CDK17: variants seen among roughly 807,000 people sequenced by gnomAD.
CDK17 encodes the protein cyclin dependent kinase 17.
Under a neutral mutation model 77.6 loss-of-function variants are expected in CDK17, and 24 were observed. The ratio of observed to expected loss-of-function variants is 0.31; its 90% CI spans 0.22 to 0.44. The LOEUF (loss-of-function observed/expected upper bound fraction) is 0.44, where lower values mean the gene tolerates loss of function less well. Ranked by LOEUF, CDK17 falls within the 20% of genes least tolerant of loss-of-function variation. The probability of loss-of-function intolerance (pLI) is 1.00; values close to 1 mark genes in which losing one functional copy is unlikely to be tolerated. For synonymous variants in CDK17, 203 were observed against 210.4 expected (o/e 0.96, Z 0.30); for missense variants, 429 against 622.5 (o/e 0.69, Z 3.31).
intron 1 of CDK17, among the ~76,000 whole-genome samples, chr12:96,357,705 C>A (rs1953420978): frequency 6.6e-6 from 1 of 152,150 alleles, no homozygotes; most frequent in Non-Finnish European, 1.5e-5. Context: ...CATGCCCTAC[C>A]TTCTCTGTGA....
chr12:96,335,039 A>G (rs1953023641), intron 1 of CDK17, 174 bp from the exon 2 acceptor site: 2 of 660,264 alleles, frequency 3.0e-6, no homozygotes, highest in Non-Finnish European at 5.6e-6. Context: ...TACTCCGAAT[A>G]ATGCTGTATT....
chr12:96,338,222 C>T (rs1953073289), intron 1 of CDK17, among the ~76,000 whole-genome samples: 1 of 152,208 alleles, frequency 6.6e-6, no homozygotes, highest in South Asian at 2.1e-4. Context: ...AAGCTCTTTG[C>T]ATGTTGTCAT....
intron 1 of CDK17, among the ~76,000 whole-genome samples, chr12:96,374,500 G>A (rs1029801399): frequency 2.0e-5 from 3 of 152,120 alleles, no homozygotes; most frequent in African/African-American, 7.2e-5. Flanking sequence ...TTCCCTTAAG[G>A]TGTTTTGCTC....
intron 1 of CDK17, among the ~76,000 whole-genome samples, chr12:96,344,531 G>A (rs1462945927): frequency 2.0e-5 from 3 of 152,142 alleles, no homozygotes; most frequent in African/African-American, 7.2e-5. Context: ...TGACCAGGCA[G>A]CAATAGGAAC....
intron 1 of CDK17, among the ~76,000 whole-genome samples, chr12:96,346,088 T>C (rs1032502604): frequency 6.6e-5 from 10 of 151,984 alleles, no homozygotes; most frequent in Non-Finnish European, 1.3e-4. Flanking sequence ...CTTTGGGAAG[T>C]GGGTGGATCG....
intron 1 of CDK17, among the ~76,000 whole-genome samples, chr12:96,353,701 T>G (rs1447160771): frequency 1.3e-5 from 2 of 151,854 alleles, no homozygotes; most frequent in African/African-American, 4.8e-5. Flanking sequence ...CAAATCACAC[T>G]GTGAGATTTG....
rs1952133004 is a variant in CDK17, at chr12:96,278,407, T to C, written c.*1835A>G. 1 of 152,076 alleles carries C rather than the reference T, an allele frequency of 6.6e-6. No individual in the cohort carries two copies. Among genetic ancestry groups the C allele is most frequent in the African/African-American group, 2.4e-5 (1 of 41,432 alleles). 9.4% of individuals were successfully genotyped at this position (152,076 alleles called of 1,614,324 possible). On this transcript the variant is annotated 3_prime_UTR_variant, in exon 17 of 17. Coordinates refer to ENST00000261211, the MANE Select transcript of CDK17 (RefSeq NM_002595.5). Reference sequence around the variant, plus strand: ...ATAAAAAAAACCCAGCAGAAATTACTAAGCAAATGATTGGCACAAACAGAA... The same window carrying C: ...ATAAAAAAAACCCAGCAGAAATTACCAAGCAAATGATTGGCACAAACAGAA...
intron 1 of CDK17, among the ~76,000 whole-genome samples, chr12:96,345,522 A>G (rs1953192975): frequency 6.6e-6 from 1 of 152,202 alleles, no homozygotes; most frequent in Non-Finnish European, 1.5e-5. Flanking sequence ...TCGCCATTCG[A>G]CTGGTGTGAG....
chr12:96,314,214 T>C (rs1952678089), intron 3 of CDK17, among the ~76,000 whole-genome samples: 1 of 152,310 alleles, frequency 6.6e-6, no homozygotes, highest in African/African-American at 2.4e-5. Context: ...TGTTTTGTTT[T>C]TGAGACAAGG....
At chr12:96,334,446 C>A (rs564209511) in intron 2 of CDK17, among the ~76,000 whole-genome samples, 3 of 152,194 alleles carry the variant, frequency 2.0e-5, no homozygotes, top group East Asian at 3.9e-4. Context: ...AAAATGCATT[C>A]TTCTTTAAGA....
At chr12:96,288,017 T>C (rs955438194) in intron 11 of CDK17, among the ~76,000 whole-genome samples, 19 of 151,898 alleles carry the variant, frequency 1.3e-4, no homozygotes, top group African/African-American at 4.6e-4. Flanking sequence ...CAGAAACTGA[T>C]GGTGGGGGAG....
In CDK17 at chr12:96,280,837, C is replaced by G. The variant is rs200258723; in HGVS notation, c.1505G>C (p.Gly502Ala). 81 of 1,613,830 alleles carry G rather than the reference C, an allele frequency of 5.0e-5. No individual in the cohort carries two copies. Among genetic ancestry groups the G allele is most frequent in the Non-Finnish European group, 6.5e-5 (77 of 1,179,958 alleles). ...LKEIQLQKDP[G>A]FRNSSYPETG... ...CTCTGGATAAGAAGAATTTCGAAAA[C>G]CCGGGTCCTTTTGCAACTGAATCTC... The change falls in exon 16 of 17, where the codon GGT (glycine) becomes GCT (alanine). Residue 502 changes from glycine to alanine, a missense_variant. By Grantham distance (60) the Gly-to-Ala change is moderately conservative. This residue lies in a region of CDK17 where 115 missense variants were observed against 124.2 expected (regional missense o/e 0.93). Transcript: ENST00000261211.
At chr12:96,326,637 G>A (rs956905638) in intron 2 of CDK17, among the ~76,000 whole-genome samples, 1 of 152,112 alleles carries the variant, frequency 6.6e-6, no homozygotes, top group Non-Finnish European at 1.5e-5. Flanking sequence ...GAGATTGCTC[G>A]GTCTCACCCA....
At chr12:96,352,698 G>A (rs1405960880) in intron 1 of CDK17, among the ~76,000 whole-genome samples, 1 of 152,168 alleles carries the variant, frequency 6.6e-6, no homozygotes, top group Non-Finnish European at 1.5e-5. Context: ...ACTTCAGTCT[G>A]TACTGTCCTT....
At chr12:96,323,597 A>G (rs1952854198) in intron 3 of CDK17, among the ~76,000 whole-genome samples, 2 of 150,602 alleles carry the variant, frequency 1.3e-5, no homozygotes, top group South Asian at 4.2e-4. Context: ...GGTGATAACC[A>G]CATATACTAT....
intron 1 of CDK17, among the ~76,000 whole-genome samples, chr12:96,351,630 G>A (rs1056267265): frequency 2.0e-5 from 3 of 152,142 alleles, no homozygotes; most frequent in East Asian, 3.8e-4. Flanking sequence ...CTTAATTGTC[G>A]TTGAACTTTA....
intron 1 of CDK17, among the ~76,000 whole-genome samples, chr12:96,335,642 T>C (rs952989060): frequency 1.3e-5 from 2 of 152,230 alleles, no homozygotes; most frequent in Non-Finnish European, 2.9e-5. Flanking sequence ...AGAATTACCA[T>C]TTACTTTTTC....
At chr12:96,288,320 C>G (rs1308309050) in intron 11 of CDK17, among the ~76,000 whole-genome samples, 1 of 152,030 alleles carries the variant, frequency 6.6e-6, no homozygotes, top group Non-Finnish European at 1.5e-5. Flanking sequence ...AATGCAACCA[C>G]AGTTCAGAGG....
intron 1 of CDK17, among the ~76,000 whole-genome samples, chr12:96,372,569 A>G (rs1953711859): frequency 6.6e-6 from 1 of 152,162 alleles, no homozygotes; most frequent in Non-Finnish European, 1.5e-5. Flanking sequence ...TCTTTATAAG[A>G]TCTAAGGTAA....
Sources: gnomAD v4.1 joint callset for allele counts (sites outside exome capture counted in the v4.1 genomes callset) on GRCh38, gnomAD v4.1.1 for gene constraint, gnomAD v4.1.1 regional missense constraint, MANE v1.5 for transcripts, NCBI Gene and HGNC (gene_info 2026-07-23, HGNC 2026-07-21) for gene names.